Variants in ZNF385D observed in about 807,000 individuals in gnomAD.
The protein encoded by ZNF385D is zinc finger protein 385D.
In ZNF385D, 15 loss-of-function variants were observed where a neutral mutation model predicts 35.8. That is an observed-to-expected ratio of 0.42 (90% confidence interval 0.28 to 0.64). ZNF385D has a LOEUF of 0.64. Ranked by LOEUF, ZNF385D falls within the 30% of genes least tolerant of loss-of-function variation. The probability of loss-of-function intolerance (pLI) is 0.23; values close to 1 mark genes in which losing one functional copy is unlikely to be tolerated. For missense variants in ZNF385D, 474 were observed against 494.6 expected, an observed-to-expected ratio of 0.96 and a Z score of 0.39; for synonymous variants, 212 against 186.8, an observed-to-expected ratio of 1.13 and a Z score of -1.10.
chr3:22,199,850 A>T (rs978143222), intron 2 of ZNF385D, among the ~76,000 whole-genome samples: 1 of 152,154 alleles, frequency 6.6e-6, no homozygotes, highest in Non-Finnish European at 1.5e-5. Context: ...TTACATTTTT[A>T]AACAGGATAA....
chr3:21,654,829 T>C (rs1370380296), intron 2 of ZNF385D, among the ~76,000 whole-genome samples: 1 of 152,088 alleles, frequency 6.6e-6, no homozygotes, highest in African/African-American at 2.4e-5. Context: ...AGTATGGGTC[T>C]GTGTACCACA....
intron 2 of ZNF385D, among the ~76,000 whole-genome samples, chr3:22,208,601 G>T (rs1231671811): frequency 6.6e-6 from 1 of 151,662 alleles, no homozygotes; most frequent in Non-Finnish European, 1.5e-5. Flanking sequence ...AATGCTTGAT[G>T]TAATGAATAC....
intron 1 of ZNF385D, among the ~76,000 whole-genome samples, chr3:21,708,047 T>C (rs1408804658): frequency 6.6e-6 from 1 of 152,218 alleles, no homozygotes; most frequent in Non-Finnish European, 1.5e-5. Context: ...AGTTTCCTCA[T>C]CTGTCAAAGA....
chr3:21,834,539 A>G (rs1277085605), intron 3 of ZNF385D, among the ~76,000 whole-genome samples: 1 of 152,210 alleles, frequency 6.6e-6, no homozygotes, highest in African/African-American at 2.4e-5. Context: ...CATGGTTATC[A>G]TTGACCTGTT....
intron 3 of ZNF385D, among the ~76,000 whole-genome samples, chr3:22,098,877 G>T (rs544951751): frequency 6.6e-6 from 1 of 151,934 alleles, no homozygotes; most frequent in South Asian, 2.1e-4. Flanking sequence ...TTAGGCAAAA[G>T]CTCCCTGGAA....
chr3:21,867,514 T>A (rs2125840652), intron 3 of ZNF385D, among the ~76,000 whole-genome samples: 1 of 152,264 alleles, frequency 6.6e-6, no homozygotes, highest in Non-Finnish European at 1.5e-5. Flanking sequence ...AGTGCAGTAA[T>A]CATGAAAATC....
chr3:21,884,333 C>A (rs1262564433), intron 3 of ZNF385D, among the ~76,000 whole-genome samples: 1 of 151,988 alleles, frequency 6.6e-6, no homozygotes, highest in African/African-American at 2.4e-5. Context: ...CTAAGTAAAT[C>A]ACCATCCCTT....
chr3:21,457,629 C>A (rs527355881), intron 4 of ZNF385D, among the ~76,000 whole-genome samples: 1 of 152,276 alleles, frequency 6.6e-6, no homozygotes, highest in South Asian at 2.1e-4. Context: ...GCTGGGATTA[C>A]AGGCTTAAGC....
At chr3:21,460,603 C>T (rs17201327) in intron 4 of ZNF385D, among the ~76,000 whole-genome samples, 4 of 151,904 alleles carry the variant, frequency 2.6e-5, no homozygotes, top group African/African-American at 9.7e-5. Flanking sequence ...AATGGGTTCT[C>T]TAATGAACAC....
At chr3:22,291,807 T>A (rs917480609) in intron 2 of ZNF385D, among the ~76,000 whole-genome samples, 2 of 152,080 alleles carry the variant, frequency 1.3e-5, no homozygotes, top group African/African-American at 4.8e-5. Context: ...TCCTACTTAT[T>A]TATGCATTAC....
intron 3 of ZNF385D, among the ~76,000 whole-genome samples, chr3:21,953,611 T>C (rs370907422): frequency 6.6e-6 from 1 of 152,170 alleles, no homozygotes; most frequent in Non-Finnish European, 1.5e-5. Context: ...CATTAACTCA[T>C]ATTTTTTACC....
intron 2 of ZNF385D, among the ~76,000 whole-genome samples, chr3:22,192,591 A>G (rs528359130): frequency 2.0e-5 from 3 of 152,296 alleles, no homozygotes; most frequent in African/African-American, 7.2e-5. Flanking sequence ...GTGAACTACC[A>G]TGTTGAAAAT....
intron 3 of ZNF385D, among the ~76,000 whole-genome samples, chr3:21,967,101 GTTTACC>G (rs1274797796): frequency 6.6e-6 from 1 of 152,142 alleles, no homozygotes; most frequent in Non-Finnish European, 1.5e-5. Flanking sequence ...CAAAGAAAAT[GTTTACC>G]TTTAACTTGT....
chr3:21,426,209 C>A (rs370898), intron 5 of ZNF385D, among the ~76,000 whole-genome samples: 138,153 of 151,934 alleles, frequency 0.91, 62,943 homozygotes, highest in East Asian at 0.95. Flanking sequence ...TTTTAGGTTC[C>A]AAGTGAGAGT....
intron 2 of ZNF385D, chr3:22,169,061 C>G (rs1354552390): frequency 2.1e-6 from 2 of 961,836 alleles, no homozygotes. Flanking sequence ...AAATTATGAA[C>G]AAGCAGATCA....
At chr3:22,098,926 C>T (rs897122615) in intron 3 of ZNF385D, among the ~76,000 whole-genome samples, 2 of 151,858 alleles carry the variant, frequency 1.3e-5, no homozygotes, top group Admixed American at 1.3e-4. Context: ...TAACACTTGC[C>T]TACTATTTAA....
intron 1 of ZNF385D, among the ~76,000 whole-genome samples, chr3:21,728,319 G>C (rs2068853220): frequency 1.4e-5 from 2 of 146,162 alleles, no homozygotes; most frequent in Admixed American, 1.4e-4. Flanking sequence ...AATAAAAGCA[G>C]ACGTCCACCT....
intron 3 of ZNF385D, among the ~76,000 whole-genome samples, chr3:21,960,645 T>C (rs1702537450): frequency 6.6e-6 from 1 of 152,166 alleles, no homozygotes; most frequent in Admixed American, 6.6e-5. Flanking sequence ...CCTTTGTTTA[T>C]TGCAGCACTA....
intron 2 of ZNF385D, among the ~76,000 whole-genome samples, chr3:22,227,746 ACT>A (rs1319627250): frequency 6.6e-6 from 1 of 151,974 alleles, no homozygotes. Flanking sequence ...CATGGCAATG[ACT>A]CTAATGACCT....
Sources: gnomAD v4.1 joint callset for allele counts (sites outside exome capture counted in the v4.1 genomes callset) on GRCh38, gnomAD v4.1.1 for gene constraint, MANE v1.5 for transcripts, NCBI Gene and HGNC (gene_info 2026-07-23, HGNC 2026-07-21) for gene names.